MAL2: variants seen among roughly 807,000 people sequenced by gnomAD.
The protein encoded by MAL2 is protein MAL2.
A neutral mutation model predicts 18.1 loss-of-function variants in MAL2; 17 were observed. The ratio of observed to expected loss-of-function variants is 0.94; its 90% CI spans 0.64 to 1.41. The LOEUF (loss-of-function observed/expected upper bound fraction) is 1.41. MAL2 is among the 40% of genes most tolerant of loss of function. MAL2 has a pLI of 0.00. For synonymous variants in MAL2, 102 were observed against 102.3 expected (o/e 1.00, Z 0.02); for missense variants, 222 against 231.9 (o/e 0.96, Z 0.28).
intron 1 of MAL2, 54 bp from the exon 2 acceptor site, chr8:119,221,533 G>T: frequency 6.3e-7 from 1 of 1,598,668 alleles, no homozygotes; most frequent in African/African-American, 1.3e-5. Context: ...GTTTAATTCT[G>T]TTGTGTGAAA....
At chr8:119,229,555 C>T (rs1223790076) in intron 2 of MAL2, among the ~76,000 whole-genome samples, 1 of 152,068 alleles carries the variant, frequency 6.6e-6, no homozygotes, top group Non-Finnish European at 1.5e-5. Flanking sequence ...TCAAGTGATC[C>T]ACCACATCGG....
intron 2 of MAL2, among the ~76,000 whole-genome samples, chr8:119,230,998 C>T (rs900480174): frequency 2.0e-5 from 3 of 151,986 alleles, no homozygotes; most frequent in African/African-American, 7.3e-5. Context: ...TTTGTCCTAG[C>T]AGAGTATTTT....
chr8:119,244,722 A>C lies in MAL2; in HGVS notation c.*1234A>C, dbSNP rs779061546. 3.3e-5 allele frequency: 5 copies of C among 152,196 alleles called. No homozygotes were observed. The East Asian group carries it at 5.8e-4, about 18-fold the overall frequency. The allele number at this position is 152,196 out of a possible 1,614,324, so 9.4% of individuals were successfully genotyped here. A position where few individuals can be genotyped will look rare whatever the true frequency, so the allele number is the denominator to read the frequency against. ...GCCCAGACATCTGTAATGTTTTTGC[A>C]CTGGTGACAGACAAAATCTGTTTTA... is the stretch of plus-strand genomic sequence containing the variant. On this transcript the variant is annotated 3_prime_UTR_variant, in exon 4 of 4. Transcript: ENST00000614891.
chr8:119,227,741 T>C (rs1355349350), intron 2 of MAL2, among the ~76,000 whole-genome samples: 2 of 152,226 alleles, frequency 1.3e-5, no homozygotes, highest in African/African-American at 4.8e-5. Context: ...GTCACTCCTC[T>C]GGGGTTCCCA....
intron 2 of MAL2, among the ~76,000 whole-genome samples, chr8:119,230,318 G>C (rs1257108928): frequency 6.6e-6 from 1 of 151,726 alleles, no homozygotes; most frequent in African/African-American, 2.4e-5. Flanking sequence ...AAGTGTGTTG[G>C]GAATTAACAC....
intron 2 of MAL2, among the ~76,000 whole-genome samples, chr8:119,238,882 T>C (rs1817978300): frequency 1.3e-5 from 2 of 151,790 alleles, no homozygotes; most frequent in African/African-American, 2.4e-5. Context: ...ACTTCATGTC[T>C]AAAACACCAA....
intron 1 of MAL2, among the ~76,000 whole-genome samples, chr8:119,214,599 AAAG>A (rs1294873850): frequency 1.3e-5 from 2 of 152,192 alleles, no homozygotes; most frequent in African/African-American, 4.8e-5. Context: ...GAATTATTAT[AAAG>A]AAGAATAAAA....
chr8:119,226,427 T>C (rs1209790239), intron 2 of MAL2, among the ~76,000 whole-genome samples: 2 of 139,756 alleles, frequency 1.4e-5, no homozygotes, highest in South Asian at 2.3e-4. Flanking sequence ...TTTTAACTAG[T>C]AGATGGAAGT....
intron 2 of MAL2, among the ~76,000 whole-genome samples, chr8:119,232,602 AAATATATG>A (rs1319061657): frequency 6.6e-6 from 1 of 152,180 alleles, no homozygotes; most frequent in African/African-American, 2.4e-5. Context: ...GTTTTTAATG[AAATATATG>A]AATATATGTT....
At chr8:119,219,520 GGTGTGTGTGTGTGT>G (rs143315878) in intron 1 of MAL2, among the ~76,000 whole-genome samples, 67 of 148,008 alleles carry the variant, frequency 4.5e-4, no homozygotes, top group African/African-American at 1.6e-3. Flanking sequence ...ACTCTCCCTG[GGTGTGTGTGTGTGT>G]GTGTGTGTGT....
chr8:119,233,748 C>A (rs1390557699), intron 2 of MAL2, among the ~76,000 whole-genome samples: 1 of 151,810 alleles, frequency 6.6e-6, no homozygotes, highest in African/African-American at 2.4e-5. Flanking sequence ...ACCAGAGGTA[C>A]AAGGAGGAAC....
intron 2 of MAL2, among the ~76,000 whole-genome samples, chr8:119,226,763 A>C (rs1817605243): frequency 6.6e-6 from 1 of 152,226 alleles, no homozygotes; most frequent in Non-Finnish European, 1.5e-5. Context: ...AACGTGTCAG[A>C]AATGGACATT....
In MAL2 at chr8:119,208,747, C is replaced by T. The variant is rs1323024281; in HGVS notation, c.132+143C>T. 1.7e-6 allele frequency: 2 copies of T among 1,179,672 alleles called. No homozygotes were observed. Among genetic ancestry groups the T allele is most frequent in the African/African-American group, 1.6e-5 (1 of 62,830 alleles). 73.1% of individuals were successfully genotyped at this position (1,179,672 alleles called of 1,614,324 possible). Reference sequence around the variant, plus strand: ...TTTGTCCTGCGCTCCCTCCCGGGGTCCTCTCGGTGCCCCGCGCCGCCGCCC... The same window carrying T: ...TTTGTCCTGCGCTCCCTCCCGGGGTTCTCTCGGTGCCCCGCGCCGCCGCCC... On this transcript the variant is annotated intron_variant, in intron 1 of 3. Coordinates refer to ENST00000614891, the MANE Select transcript of MAL2 (RefSeq NM_052886.3). The surrounding 1 kb of genome is among the most constrained non-coding windows in gnomAD (Gnocchi z 4.3).
At chr8:119,231,050 G>C (rs996566357) in intron 2 of MAL2, among the ~76,000 whole-genome samples, 1 of 150,848 alleles carries the variant, frequency 6.6e-6, no homozygotes, top group Non-Finnish European at 1.5e-5. Flanking sequence ...TGTTTGTTTT[G>C]AGGCAGAGTC....
intron 1 of MAL2, among the ~76,000 whole-genome samples, chr8:119,211,365 G>A (rs888089880): frequency 2.0e-5 from 3 of 152,122 alleles, no homozygotes; most frequent in African/African-American, 7.2e-5. Context: ...AAATTCGTTT[G>A]TCTTTAAGAG....
chr8:119,230,227 A>ATGTACTT (rs1260704775), intron 2 of MAL2, among the ~76,000 whole-genome samples: 2 of 152,170 alleles, frequency 1.3e-5, no homozygotes, highest in Non-Finnish European at 2.9e-5. Context: ...ATTCCACACT[A>ATGTACTT]TGTACTTTCT....
intron 1 of MAL2, among the ~76,000 whole-genome samples, chr8:119,211,306 G>A (rs1040976600): frequency 6.6e-6 from 1 of 152,104 alleles, no homozygotes; most frequent in African/African-American, 2.4e-5. Flanking sequence ...AACCTCTGCC[G>A]GTGTTTCTGG....
chr8:119,210,462 T>A (rs753323395), intron 1 of MAL2, among the ~76,000 whole-genome samples: 10 of 152,164 alleles, frequency 6.6e-5, no homozygotes, highest in Non-Finnish European at 1.5e-4. Context: ...TCTCAATTCT[T>A]GCTGTACTTA....
At position 119,208,505 on chromosome 8, in the gene MAL2, C is replaced by A; in HGVS notation, c.33C>A (p.Pro11=). The A allele has an allele frequency of 7.5e-7, 1 of 1,333,638 alleles. No individual in the cohort carries two copies. The highest frequency in any genetic ancestry group is 1.5e-5 in the African/African-American group (1 of 66,214). The allele number at this position is 1,333,638 out of a possible 1,614,324, so 82.6% of individuals were successfully genotyped here. A position where few individuals can be genotyped will look rare whatever the true frequency, so the allele number is the denominator to read the frequency against. The change falls in exon 1 of 4, where the codon CCC becomes CCA. Residue 11 remains proline (P), a synonymous_variant. Transcript: ENST00000614891. The surrounding 1 kb of genome is among the most constrained non-coding windows in gnomAD (Gnocchi z 4.3). ...CCGGCGGAGCGTCAGTCCCGCCGCC[C>A]CCGAACCCCGCCGTGTCCTTCCCGC... MSAGGASVPP[P]PNPAVSFPPP...
Sources: allele counts gnomAD v4.1 joint callset (sites outside exome capture counted in the v4.1 genomes callset), GRCh38; gene constraint gnomAD v4.1.1; non-coding constraint Gnocchi (gnomAD v3.1); transcripts MANE v1.5; gene names NCBI Gene and HGNC (gene_info 2026-07-23, HGNC 2026-07-21).